Variants in CCDC102B observed in about 807,000 individuals in gnomAD.
CCDC102B encodes coiled-coil domain containing 102B.
A neutral mutation model predicts 57.4 loss-of-function variants in CCDC102B; 75 were observed. The observed-to-expected ratio is 1.31, with a 90% CI of 1.08 to 1.58. The LOEUF is 1.58. CCDC102B is among the 40% of genes most tolerant of loss of function. The probability of loss-of-function intolerance (pLI) is 0.00; values close to 1 mark genes in which losing one functional copy is unlikely to be tolerated. For synonymous variants in CCDC102B, 206 were observed against 201.9 expected, an observed-to-expected ratio of 1.02 and a Z score of -0.17; for missense variants, 636 against 582.6, an observed-to-expected ratio of 1.09 and a Z score of -0.94.
chr18:69,018,092 A>G (rs2051719113), intron 7 of CCDC102B, among the ~76,000 whole-genome samples: 2 of 152,064 alleles, frequency 1.3e-5, no homozygotes, highest in Non-Finnish European at 2.9e-5. Context: ...AGTGTATCTC[A>G]CAATTTATCC....
intron 2 of CCDC102B, chr18:68,754,155 G>C (rs1011464779): frequency 7.5e-6 from 1 of 132,896 alleles, no homozygotes; most frequent in Admixed American, 7.8e-5. Flanking sequence ...ATTTGAGGAG[G>C]TTTACAATCA....
chr18:69,027,307 C>A (rs149599736), intron 7 of CCDC102B, among the ~76,000 whole-genome samples: 18 of 152,214 alleles, frequency 1.2e-4, no homozygotes, highest in African/African-American at 4.1e-4. Flanking sequence ...TACGGCAACT[C>A]TGCTTCTTGA....
At chr18:69,024,742 C>T (rs191747284) in intron 7 of CCDC102B, among the ~76,000 whole-genome samples, 4 of 151,994 alleles carry the variant, frequency 2.6e-5, no homozygotes, top group Admixed American at 1.3e-4. Flanking sequence ...TTTGAATAAA[C>T]ATTAACAGAA....
intron 4 of CCDC102B, among the ~76,000 whole-genome samples, chr18:68,870,673 G>A (rs1057276030): frequency 6.6e-6 from 1 of 152,158 alleles, no homozygotes; most frequent in African/African-American, 2.4e-5. Flanking sequence ...TATGAAAGAA[G>A]TTGAAAGATC....
intron 2 of CCDC102B, among the ~76,000 whole-genome samples, chr18:68,732,348 TCTC>T (rs775163375): frequency 2.0e-5 from 3 of 148,958 alleles, no homozygotes; most frequent in Non-Finnish European, 4.5e-5. Flanking sequence ...TCTTTTTTTT[TCTC>T]TCTCTCTTTT....
chr18:69,030,294 T>C (rs1028848846), intron 7 of CCDC102B, among the ~76,000 whole-genome samples: 1 of 152,230 alleles, frequency 6.6e-6, no homozygotes, highest in African/African-American at 2.4e-5. Context: ...TTTTCTCTAA[T>C]ATTTAGCAGT....
chr18:68,916,713 C>A (rs1378986347), intron 6 of CCDC102B, among the ~76,000 whole-genome samples: 2 of 152,178 alleles, frequency 1.3e-5, no homozygotes, highest in Admixed American at 1.3e-4. Context: ...TAAAGTCAAT[C>A]AAATCATCAA....
chr18:68,952,463 A>G (rs1298520453), intron 6 of CCDC102B, among the ~76,000 whole-genome samples: 1 of 152,136 alleles, frequency 6.6e-6, no homozygotes, highest in Non-Finnish European at 1.5e-5. Context: ...GAAATAGGTT[A>G]TAGAGTAGAT....
At chr18:68,813,684 G>A (rs2036360033) in intron 1 of CCDC102B, among the ~76,000 whole-genome samples, 1 of 151,910 alleles carries the variant, frequency 6.6e-6, no homozygotes, top group South Asian at 2.1e-4. Flanking sequence ...TTGGTTATCT[G>A]TGAAAAGGAC....
intron 2 of CCDC102B, among the ~76,000 whole-genome samples, chr18:68,747,481 C>T (rs1407601075): frequency 6.6e-6 from 1 of 151,990 alleles, no homozygotes; most frequent in African/African-American, 2.4e-5. Flanking sequence ...TTCATCTTGC[C>T]TAACCTAAAC....
intron 1 of CCDC102B, among the ~76,000 whole-genome samples, chr18:68,817,574 T>A (rs746329941): frequency 1.9e-4 from 29 of 152,222 alleles, no homozygotes; most frequent in Non-Finnish European, 3.1e-4. Flanking sequence ...ATCTTTGTGT[T>A]ATTGCTCATT....
chr18:69,044,854 A>C (rs975717468), intron 7 of CCDC102B, among the ~76,000 whole-genome samples: 1 of 152,204 alleles, frequency 6.6e-6, no homozygotes, highest in Non-Finnish European at 1.5e-5. Flanking sequence ...ACGAAATACC[A>C]CAAATTGAGT....
intron 6 of CCDC102B, among the ~76,000 whole-genome samples, chr18:68,905,911 A>G (rs1467729787): frequency 6.9e-6 from 1 of 145,302 alleles, no homozygotes; most frequent in Non-Finnish European, 1.5e-5. Flanking sequence ...CTCCTGCCTC[A>G]GCCTCCCAGG....
chr18:68,921,144 C>T (rs2041263994), intron 6 of CCDC102B, among the ~76,000 whole-genome samples: 1 of 152,166 alleles, frequency 6.6e-6, no homozygotes, highest in East Asian at 1.9e-4. Flanking sequence ...CGTTTAAGGC[C>T]TCTTCCAATA....
At chr18:68,741,100 C>T (rs958220011) in intron 2 of CCDC102B, among the ~76,000 whole-genome samples, 2 of 152,216 alleles carry the variant, frequency 1.3e-5, no homozygotes, top group Non-Finnish European at 2.9e-5. Context: ...CATGCATGCA[C>T]TGGACAAGTC....
intron 6 of CCDC102B, among the ~76,000 whole-genome samples, chr18:68,994,514 G>T (rs2050963271): frequency 6.7e-6 from 1 of 148,612 alleles, no homozygotes; most frequent in South Asian, 2.1e-4. Context: ...GACCCCTCCT[G>T]CCACCCCCTC....
chr18:68,863,719 A>T (rs1383989081), intron 4 of CCDC102B, among the ~76,000 whole-genome samples: 1 of 151,798 alleles, frequency 6.6e-6, no homozygotes, highest in South Asian at 2.1e-4. Context: ...AATTTGATAA[A>T]TTTTTCTTTT....
chr18:68,975,960 A>G (rs899432019), intron 6 of CCDC102B, among the ~76,000 whole-genome samples: 3 of 152,088 alleles, frequency 2.0e-5, no homozygotes, highest in Admixed American at 2.0e-4. Context: ...ACGGACAGCA[A>G]TAATTGGGGT....
intron 6 of CCDC102B, among the ~76,000 whole-genome samples, chr18:68,977,043 C>A (rs552821309): frequency 6.6e-6 from 1 of 152,036 alleles, no homozygotes; most frequent in Non-Finnish European, 1.5e-5. Flanking sequence ...AAATCCTGAT[C>A]TAATTTATTC....
Sources: gnomAD v4.1 joint callset for allele counts (sites outside exome capture counted in the v4.1 genomes callset) on GRCh38, gnomAD v4.1.1 for gene constraint, MANE v1.5 for transcripts, NCBI Gene and HGNC (gene_info 2026-07-23, HGNC 2026-07-21) for gene names.